CDH13: variants seen among roughly 807,000 people sequenced by gnomAD.
The protein encoded by CDH13 is cadherin 13, also known as cadherin-13.
A neutral mutation model predicts 63.8 loss-of-function variants in CDH13; 24 were observed. The observed-to-expected ratio is 0.38, with a 90% CI of 0.27 to 0.53. CDH13 has a LOEUF of 0.53. Among genes scored for constraint, CDH13 ranks in the 20% least tolerant of loss-of-function variants. The pLI, the probability that CDH13 is intolerant of heterozygous loss-of-function variation, is 0.85. For missense variants in CDH13, 1,049 were observed against 903.1 expected, an observed-to-expected ratio of 1.16 and a Z score of -2.07; for synonymous variants, 503 against 355.3, an observed-to-expected ratio of 1.42 and a Z score of -4.67.
intron 2 of CDH13, among the ~76,000 whole-genome samples, chr16:82,880,725 C>G (rs902632957): frequency 1.3e-5 from 2 of 152,134 alleles, no homozygotes; most frequent in African/African-American, 4.8e-5. Flanking sequence ...CATCAATATG[C>G]TGGTATATTT....
At chr16:83,502,071 C>G (rs939725843) in intron 7 of CDH13, among the ~76,000 whole-genome samples, 2 of 152,234 alleles carry the variant, frequency 1.3e-5, no homozygotes, top group African/African-American at 2.4e-5. Context: ...AAATGGAACT[C>G]ATAGCACGGC....
chr16:82,917,292 C>T (rs188565022), intron 2 of CDH13, among the ~76,000 whole-genome samples: 23 of 152,240 alleles, frequency 1.5e-4, no homozygotes, highest in African/African-American at 4.1e-4. Context: ...AATGGAAGAA[C>T]GCTCAGGGTT....
At chr16:83,315,084 A>C (rs2090078718) in intron 5 of CDH13, among the ~76,000 whole-genome samples, 1 of 152,234 alleles carries the variant, frequency 6.6e-6, no homozygotes, top group African/African-American at 2.4e-5. Context: ...GATAGTGAGG[A>C]ATAACAGAGT....
intron 6 of CDH13, among the ~76,000 whole-genome samples, chr16:83,464,398 G>T (rs1279707799): frequency 6.6e-6 from 1 of 152,170 alleles, no homozygotes; most frequent in African/African-American, 2.4e-5. Flanking sequence ...TGTAATCCCA[G>T]CTACTAAGGA....
chr16:83,347,099 C>T (rs1233498592), intron 6 of CDH13, among the ~76,000 whole-genome samples: 1 of 152,298 alleles, frequency 6.6e-6, no homozygotes, highest in Non-Finnish European at 1.5e-5. Context: ...TTACTTAGCA[C>T]CCTGTAAGAG....
At chr16:83,560,403 A>G (rs1014947848) in intron 7 of CDH13, among the ~76,000 whole-genome samples, 1 of 152,212 alleles carries the variant, frequency 6.6e-6, no homozygotes, top group Non-Finnish European at 1.5e-5. Context: ...ATGTTATGCT[A>G]AGTGAAATAA....
intron 3 of CDH13, among the ~76,000 whole-genome samples, chr16:83,094,081 A>G (rs1456939260): frequency 6.6e-6 from 1 of 152,192 alleles, no homozygotes; most frequent in African/African-American, 2.4e-5. Flanking sequence ...ATCTCAGGAT[A>G]TATTACTCAG....
chr16:82,971,986 C>G (rs952672424), intron 2 of CDH13, among the ~76,000 whole-genome samples: 2 of 152,152 alleles, frequency 1.3e-5, no homozygotes, highest in Non-Finnish European at 2.9e-5. Context: ...CCAGGAAGTC[C>G]CATTATTGCT....
chr16:82,932,215 A>G (rs140779506), intron 2 of CDH13, among the ~76,000 whole-genome samples: 4 of 152,300 alleles, frequency 2.6e-5, no homozygotes, highest in Non-Finnish European at 4.4e-5. Flanking sequence ...TATTTTTAGT[A>G]TAAGTGTGTC....
intron 5 of CDH13, among the ~76,000 whole-genome samples, chr16:83,231,902 G>A (rs1364000272): frequency 6.6e-6 from 1 of 152,120 alleles, no homozygotes; most frequent in Admixed American, 6.5e-5. Context: ...TCCCCTTGGC[G>A]ACCGAGTTCT....
chr16:82,972,951 T>A (rs1162322669), intron 2 of CDH13, among the ~76,000 whole-genome samples: 1 of 152,204 alleles, frequency 6.6e-6, no homozygotes, highest in Admixed American at 6.5e-5. Flanking sequence ...TTTATTTTTT[T>A]AAAGTGTTCA....
intron 1 of CDH13, among the ~76,000 whole-genome samples, chr16:82,847,178 A>G (rs551332838): frequency 3.3e-5 from 5 of 152,180 alleles, no homozygotes; most frequent in Non-Finnish European, 5.9e-5. Context: ...CTGAGTGTCT[A>G]TTGTGGGGCC....
chr16:83,056,532 A>G (rs1300040150), intron 3 of CDH13, among the ~76,000 whole-genome samples: 1 of 152,220 alleles, frequency 6.6e-6, no homozygotes, highest in African/African-American at 2.4e-5. Context: ...CATTGCATGA[A>G]AGAAGCCAGA....
chr16:83,662,940 G>T (rs1913576448), intron 8 of CDH13, among the ~76,000 whole-genome samples: 2 of 152,096 alleles, frequency 1.3e-5, no homozygotes, highest in South Asian at 2.1e-4. Context: ...CTTCCTATTT[G>T]TCTTTTGTCT....
At chr16:83,413,317 T>G (rs542228221) in intron 6 of CDH13, among the ~76,000 whole-genome samples, 42 of 152,258 alleles carry the variant, frequency 2.8e-4, no homozygotes, top group Middle Eastern at 3.4e-3. Context: ...AAGCAGCACA[T>G]AAGAGTATTT....
intron 1 of CDH13, among the ~76,000 whole-genome samples, chr16:82,661,026 C>G (rs890603240): frequency 7.2e-5 from 11 of 151,970 alleles, no homozygotes; most frequent in African/African-American, 2.7e-4. Context: ...ATGGCAGTGG[C>G]CACTTCAAAG....
chr16:83,222,869 T>A (rs372202445), intron 5 of CDH13, among the ~76,000 whole-genome samples: 3 of 152,122 alleles, frequency 2.0e-5, no homozygotes, highest in East Asian at 3.9e-4. Flanking sequence ...AGGGCAAGGT[T>A]TTTCAACAGT....
chr16:82,839,721 G>A (rs1001938425), intron 1 of CDH13, among the ~76,000 whole-genome samples: 9 of 152,214 alleles, frequency 5.9e-5, no homozygotes, highest in African/African-American at 1.9e-4. Flanking sequence ...GTCTGTAGCT[G>A]ATGTTTGACA....
intron 13 of CDH13, among the ~76,000 whole-genome samples, chr16:83,788,763 C>G (rs557750643): frequency 6.6e-6 from 1 of 152,202 alleles, no homozygotes. Context: ...CTAAGGGGAG[C>G]CATCCCATCT....
Sources: gnomAD v4.1 joint callset for allele counts (sites outside exome capture counted in the v4.1 genomes callset) on GRCh38, gnomAD v4.1.1 for gene constraint, MANE v1.5 for transcripts, NCBI Gene and HGNC (gene_info 2026-07-23, HGNC 2026-07-21) for gene names.